The following PTTG1IP variants were observed in gnomAD, a reference collection of about 807,000 sequenced individuals.
PTTG1IP encodes the protein pituitary tumor-transforming gene 1 protein-interacting protein.
Under a neutral mutation model 24.4 loss-of-function variants are expected in PTTG1IP, and 16 were observed. That is an observed-to-expected ratio of 0.66 (90% CI 0.44 to 1.00). The LOEUF (loss-of-function observed/expected upper bound fraction) is 1.00, where lower values mean the gene tolerates loss of function less well. PTTG1IP is among the 50% of genes least tolerant of loss of function. PTTG1IP has a pLI of 0.00. For missense variants in PTTG1IP, 241 were observed against 245.8 expected, an observed-to-expected ratio of 0.98 and a Z score of 0.13; for synonymous variants, 89 against 96.8, an observed-to-expected ratio of 0.92 and a Z score of 0.47.
At chr21:44,857,554 A>C (rs1362849981) in intron 3 of PTTG1IP, among the ~76,000 whole-genome samples, 2 of 152,238 alleles carry the variant, frequency 1.3e-5, no homozygotes, top group Non-Finnish European at 2.9e-5. Context: ...CCTGGGCAGT[A>C]GATTACCGCA....
chr21:44,861,670 G>A (rs1014531336), intron 2 of PTTG1IP: 23 of 713,314 alleles, frequency 3.2e-5, no homozygotes, highest in Middle Eastern at 3.6e-4. Context: ...GACTGGATGG[G>A]CCCTGCCTCG....
chr21:44,862,011 G>A (rs1169764025), intron 2 of PTTG1IP: 7 of 615,300 alleles, frequency 1.1e-5, no homozygotes, highest in Non-Finnish European at 2.1e-5. Flanking sequence ...CCTCATAGAC[G>A]CTCTTGTCTG....
intron 1 of PTTG1IP, among the ~76,000 whole-genome samples, chr21:44,870,679 T>C (rs2083578286): frequency 6.6e-6 from 1 of 152,226 alleles, no homozygotes; most frequent in Admixed American, 6.5e-5. Context: ...AAAACTGCCC[T>C]TGTGTTGCTT....
intron 4 of PTTG1IP, among the ~76,000 whole-genome samples, chr21:44,855,609 C>T (rs1031378669): frequency 1.3e-5 from 2 of 152,302 alleles, no homozygotes; most frequent in African/African-American, 4.8e-5. Flanking sequence ...GAGGAAAATG[C>T]GATTGTCAGC....
At chr21:44,868,748 C>T (rs935277894) in intron 1 of PTTG1IP, among the ~76,000 whole-genome samples, 1 of 152,202 alleles carries the variant, frequency 6.6e-6, no homozygotes, top group Non-Finnish European at 1.5e-5. Context: ...ATCATCACAG[C>T]CAACACTAAT....
intron 4 of PTTG1IP, 28 bp from the exon 5 acceptor site, chr21:44,855,284 C>A: frequency 6.3e-7 from 1 of 1,599,594 alleles, no homozygotes; most frequent in Non-Finnish European, 8.6e-7. Flanking sequence ...ATTATGAGCA[C>A]CAAACGACAG....
At chr21:44,863,434 T>C (rs2083510320) in intron 2 of PTTG1IP, among the ~76,000 whole-genome samples, 1 of 152,208 alleles carries the variant, frequency 6.6e-6, no homozygotes, top group South Asian at 2.1e-4. Context: ...CTGGAGCTAC[T>C]GTAGGGCAAG....
At chr21:44,869,556 C>T (rs1212268844) in intron 1 of PTTG1IP, among the ~76,000 whole-genome samples, 4 of 152,202 alleles carry the variant, frequency 2.6e-5, no homozygotes, top group African/African-American at 9.7e-5. Flanking sequence ...ACCTCGGCCT[C>T]CAAAAGTGCT....
chr21:44,868,814 C>G (rs747094529), intron 1 of PTTG1IP, among the ~76,000 whole-genome samples: 5 of 152,220 alleles, frequency 3.3e-5, no homozygotes, highest in African/African-American at 7.2e-5. Flanking sequence ...CCGAAGATGC[C>G]AAGTCCACTG....
At chr21:44,866,535 G>A (rs1265616542) in intron 1 of PTTG1IP, among the ~76,000 whole-genome samples, 1 of 94,450 alleles carries the variant, frequency 1.1e-5, no homozygotes, top group East Asian at 3.3e-4. Context: ...CACGCAGACT[G>A]CCTACTCCCC....
At chr21:44,859,477 G>T (rs2083474653) in intron 3 of PTTG1IP, among the ~76,000 whole-genome samples, 1 of 151,918 alleles carries the variant, frequency 6.6e-6, no homozygotes, top group Non-Finnish European at 1.5e-5. Flanking sequence ...TGCGGTCCAT[G>T]CAGGCACACA....
At chr21:44,868,250 G>T (rs2083558238) in intron 1 of PTTG1IP, among the ~76,000 whole-genome samples, 2 of 152,206 alleles carry the variant, frequency 1.3e-5, no homozygotes, top group South Asian at 4.1e-4. Context: ...TGGGAGGAAG[G>T]AGCAACTGTG....
intron 2 of PTTG1IP, among the ~76,000 whole-genome samples, chr21:44,864,959 C>G (rs2083523618): frequency 6.6e-6 from 1 of 152,196 alleles, no homozygotes; most frequent in Non-Finnish European, 1.5e-5. Flanking sequence ...CCCACCGGCC[C>G]AGAGGGCTGG....
intron 1 of PTTG1IP, 88 bp downstream of exon 1, chr21:44,873,413 GC>G: frequency 8.5e-7 from 1 of 1,170,790 alleles, no homozygotes; most frequent in Non-Finnish European, 1.1e-6. Flanking sequence ...CGAGCCCAGC[GC>G]CCTGGCCGAA....
At chr21:44,858,342 C>T (rs145201078) in intron 3 of PTTG1IP, among the ~76,000 whole-genome samples, 176 of 152,310 alleles carry the variant, frequency 1.2e-3, no homozygotes, top group South Asian at 9.5e-3. Flanking sequence ...TCATGTGCGC[C>T]GCGGCATCTG....
At chr21:44,861,807 A>G (rs2083494477) in intron 2 of PTTG1IP, 1 of 717,406 alleles carries the variant, frequency 1.4e-6, no homozygotes, top group Non-Finnish European at 2.6e-6. Context: ...AAGTCTCCCA[A>G]GAACACAGGA....
At chr21:44,866,478 ACACACACACACACG>A (rs1164856469) in intron 1 of PTTG1IP, among the ~76,000 whole-genome samples, 23 of 116,600 alleles carry the variant, frequency 2.0e-4, no homozygotes, top group African/African-American at 4.2e-4. Flanking sequence ...CATAACACAC[ACACACACACACACG>A]CAGACTGCCT....
chr21:44,851,090 T>TG lies in PTTG1IP; in HGVS notation c.*490dup, dbSNP rs1301087819. On this transcript the variant is annotated 3_prime_UTR_variant, in exon 6 of 6. Transcript: ENST00000330938. ...CAAAAGCCGTGTGAGTCAACAGGTGTGAAGACTCAAGATGCGCACACAGAC... is the reference window on the plus strand; with the variant it reads ...CAAAAGCCGTGTGAGTCAACAGGTGTGGAAGACTCAAGATGCGCACACAGAC... 2.6e-6 allele frequency: 1 copy of TG among 391,622 alleles called. No homozygotes were observed. Among genetic ancestry groups the TG allele is most frequent in the African/African-American group, 2.0e-5 (1 of 50,492 alleles). 24.3% of individuals were successfully genotyped at this position (391,622 alleles called of 1,614,324 possible). A position where few individuals can be genotyped will look rare whatever the true frequency, so the allele number is the denominator to read the frequency against.
intron 2 of PTTG1IP, among the ~76,000 whole-genome samples, chr21:44,864,665 G>A (rs1361225121): frequency 6.6e-6 from 1 of 152,218 alleles, no homozygotes; most frequent in Admixed American, 6.5e-5. Flanking sequence ...CCAAAGTGCT[G>A]GGATTACAGG....
Sources: gnomAD v4.1 joint callset for allele counts (sites outside exome capture counted in the v4.1 genomes callset) on GRCh38, gnomAD v4.1.1 for gene constraint, MANE v1.5 for transcripts, NCBI Gene and HGNC (gene_info 2026-07-23, HGNC 2026-07-21) for gene names.